PLD5: variants seen among roughly 807,000 people sequenced by gnomAD.
The protein encoded by PLD5 is inactive phospholipase D5.
In PLD5, 36 loss-of-function variants were observed where a neutral mutation model predicts 61.1. That is an observed-to-expected ratio of 0.59 (90% CI 0.45 to 0.78). PLD5 has a LOEUF of 0.78. PLD5 is among the 30% of genes least tolerant of loss of function. The probability of loss-of-function intolerance (pLI) is 0.00; values close to 1 mark genes in which losing one functional copy is unlikely to be tolerated. For missense variants in PLD5, 515 were observed against 644.4 expected, an observed-to-expected ratio of 0.80 and a Z score of 2.17; for synonymous variants, 243 against 242.8, an observed-to-expected ratio of 1.00 and a Z score of -0.01.
At chr1:242,438,516 C>T (rs1007806071) in intron 1 of PLD5, among the ~76,000 whole-genome samples, 8 of 147,020 alleles carry the variant, frequency 5.4e-5, no homozygotes, top group African/African-American at 2.0e-4. Flanking sequence ...GCAATCTTGG[C>T]TCACTGCAAC....
rs143163337 is a variant in PLD5 at position 242,192,758 on chromosome 1, G to A, written c.735+27230C>T. 4.4e-3 allele frequency among the ~76,000 whole-genome samples: 666 copies of A among 151,964 alleles called. 5 individuals are homozygous for A. The highest frequency in any genetic ancestry group is 0.015 in the African/African-American group (638 of 41,268). On this transcript the variant is annotated intron_variant, in intron 5 of 9. Transcript: ENST00000536534. Reference sequence around the variant, plus strand: ...TGTTGAAGTTCTCGGGCAGGAAGAAGCGGGTGGGATGCAGACCACACAATT... The same window carrying A: ...TGTTGAAGTTCTCGGGCAGGAAGAAACGGGTGGGATGCAGACCACACAATT...
chr1:242,421,647 G>A (rs1350849818), intron 1 of PLD5, among the ~76,000 whole-genome samples: 2 of 152,180 alleles, frequency 1.3e-5, no homozygotes, highest in African/African-American at 2.4e-5. Context: ...AGGTCTTCAC[G>A]AAGCTTCCAT....
chr1:242,396,963 C>A (rs975588446), intron 1 of PLD5, among the ~76,000 whole-genome samples: 1 of 152,114 alleles, frequency 6.6e-6, no homozygotes, highest in Admixed American at 6.5e-5. Context: ...CAGGCGTGAG[C>A]TACCACCCCT....
chr1:242,310,065 T>C (rs1456419956), intron 2 of PLD5, among the ~76,000 whole-genome samples: 1 of 151,834 alleles, frequency 6.6e-6, no homozygotes, highest in Admixed American at 6.6e-5. Flanking sequence ...TTTTCTTTTT[T>C]CCAGCAAAAA....
chr1:242,386,438 G>C (rs900006279), intron 1 of PLD5, among the ~76,000 whole-genome samples: 1 of 152,128 alleles, frequency 6.6e-6, no homozygotes, highest in Non-Finnish European at 1.5e-5. Flanking sequence ...CTGATGTGAC[G>C]CACTGAGAAG....
intron 5 of PLD5, among the ~76,000 whole-genome samples, chr1:242,177,455 A>G (rs779749391): frequency 6.6e-6 from 1 of 152,138 alleles, no homozygotes; most frequent in Non-Finnish European, 1.5e-5. Context: ...TAGGAGAAAT[A>G]CCTAATGTAG....
At chr1:242,512,468 CAG>C (rs1387039567) in intron 1 of PLD5, among the ~76,000 whole-genome samples, 1 of 151,544 alleles carries the variant, frequency 6.6e-6, no homozygotes, top group Admixed American at 6.6e-5. Flanking sequence ...TTCCCTGCTG[CAG>C]AGTGTCTTAC....
chr1:242,465,851 C>T (rs1463705571), intron 1 of PLD5, among the ~76,000 whole-genome samples: 1 of 152,174 alleles, frequency 6.6e-6, no homozygotes, highest in Non-Finnish European at 1.5e-5. Context: ...ATTGCTTGAA[C>T]CTGGGAGGCG....
chr1:242,492,121 T>C (rs1471007897), intron 1 of PLD5, among the ~76,000 whole-genome samples: 1 of 152,178 alleles, frequency 6.6e-6, no homozygotes, highest in Non-Finnish European at 1.5e-5. Flanking sequence ...GGGTGTCTAC[T>C]GTCAATGAAC....
chr1:242,189,106 G>A (rs762363540), intron 5 of PLD5, among the ~76,000 whole-genome samples: 6 of 152,204 alleles, frequency 3.9e-5, no homozygotes, highest in Admixed American at 1.3e-4. Flanking sequence ...GTTTGACATA[G>A]TCTGTGGTAA....
chr1:242,524,193 C>T lies in PLD5; in HGVS notation c.84G>A (p.Glu28=), dbSNP rs1486387111. 6.5e-7 allele frequency: 1 copy of T among 1,533,952 alleles called. No individual in the cohort carries two copies. The change falls in exon 1 of 10, where the codon GAG becomes GAA. Residue 28 remains glutamate, a synonymous_variant. Transcript: ENST00000536534. ...EQMRLKSRPK[E]PSPSLTRVGA... is the part of the protein sequence containing the mutation. Reference sequence around the variant, plus strand: ...CCACTCGGGTCAGGCTTGGGGAGGGCTCCTTGGGGCGGCTTTTGAGCCTCA... The same window carrying T: ...CCACTCGGGTCAGGCTTGGGGAGGGTTCCTTGGGGCGGCTTTTGAGCCTCA...
chr1:242,164,472 T>C (rs925126092), intron 5 of PLD5, among the ~76,000 whole-genome samples: 4 of 152,106 alleles, frequency 2.6e-5, no homozygotes, highest in Admixed American at 1.3e-4. Context: ...ACGGGCCATG[T>C]TAATCATCAG....
At chr1:242,530,041 C>T in the PLD5 span, among the ~76,000 whole-genome samples, 39 of 152,120 alleles carry the variant, frequency 2.6e-4, no homozygotes, top group South Asian at 7.1e-3. Flanking sequence ...TTACAGGTGC[C>T]CACCACCACA....
chr1:242,257,778 A>T (rs1558404509), intron 4 of PLD5, among the ~76,000 whole-genome samples: 1 of 150,588 alleles, frequency 6.6e-6, no homozygotes, highest in African/African-American at 2.4e-5. Context: ...TAAAAGATTT[A>T]TTTTTTTTTT....
At chr1:242,248,931 T>G (rs1364136084) in intron 4 of PLD5, among the ~76,000 whole-genome samples, 1 of 152,082 alleles carries the variant, frequency 6.6e-6, no homozygotes, top group African/African-American at 2.4e-5. Context: ...GCGGATCACC[T>G]AAGGTCAGGA....
chr1:242,471,446 G>T (rs1429029009), intron 1 of PLD5, among the ~76,000 whole-genome samples: 1 of 152,062 alleles, frequency 6.6e-6, no homozygotes, highest in Non-Finnish European at 1.5e-5. Flanking sequence ...GACTCACTTT[G>T]GTGCTTAGGA....
At chr1:242,446,849 C>T (rs1470596325) in intron 1 of PLD5, among the ~76,000 whole-genome samples, 1 of 152,180 alleles carries the variant, frequency 6.6e-6, no homozygotes, top group African/African-American at 2.4e-5. Flanking sequence ...CTAGCGCCTG[C>T]TCTCTTCCTC....
chr1:242,207,303 T>C (rs1392313039), intron 5 of PLD5, among the ~76,000 whole-genome samples: 1 of 152,130 alleles, frequency 6.6e-6, no homozygotes, highest in Non-Finnish European at 1.5e-5. Flanking sequence ...CGCTCCCCGC[T>C]TTCCCCACTG....
At chr1:242,257,082 A>ATCTG (rs1437567049) in intron 4 of PLD5, among the ~76,000 whole-genome samples, 1 of 149,338 alleles carries the variant, frequency 6.7e-6, no homozygotes, top group African/African-American at 2.5e-5. Flanking sequence ...CTATCTATCT[A>ATCTG]TCATTTATCT....
Sources: gnomAD v4.1 joint callset for allele counts (sites outside exome capture counted in the v4.1 genomes callset) on GRCh38, gnomAD v4.1.1 for gene constraint, MANE v1.5 for transcripts, NCBI Gene and HGNC (gene_info 2026-07-23, HGNC 2026-07-21) for gene names.